Variants in CWC27 observed in about 807,000 individuals in gnomAD.
The protein encoded by CWC27 is CWC27 spliceosome associated cyclophilin, also known as spliceosome-associated protein CWC27 homolog.
A neutral mutation model predicts 63.6 loss-of-function variants in CWC27; 47 were observed. The ratio of observed to expected loss-of-function variants is 0.74; its 90% CI spans 0.58 to 0.94. The LOEUF (loss-of-function observed/expected upper bound fraction) is 0.94. Among genes scored for constraint, CWC27 ranks in the 40% least tolerant of loss-of-function variants. The pLI is 0.00. For missense variants in CWC27, 495 were observed against 554.3 expected (o/e 0.89, Z 1.07); for synonymous variants, 175 against 179.8 (o/e 0.97, Z 0.22).
At chr5:64,843,752 A>G (rs1481551361) in intron 10 of CWC27, among the ~76,000 whole-genome samples, 2 of 152,178 alleles carry the variant, frequency 1.3e-5, no homozygotes, top group African/African-American at 4.8e-5. Flanking sequence ...TCTAAACATT[A>G]ACAGAATTTT....
intron 2 of CWC27, among the ~76,000 whole-genome samples, chr5:64,777,295 T>C (rs1743491850): frequency 6.6e-6 from 1 of 152,034 alleles, no homozygotes; most frequent in Non-Finnish European, 1.5e-5. Flanking sequence ...GTGACAAATA[T>C]AAGCATAAAT....
chr5:64,896,345 AAT>A (rs1417761336), intron 11 of CWC27, among the ~76,000 whole-genome samples: 1 of 152,220 alleles, frequency 6.6e-6, no homozygotes, highest in Non-Finnish European at 1.5e-5. Flanking sequence ...TAAGACCTAT[AAT>A]ACAAAGAGTT....
At chr5:64,828,213 T>C (rs577083324) in intron 10 of CWC27, among the ~76,000 whole-genome samples, 1 of 152,154 alleles carries the variant, frequency 6.6e-6, no homozygotes, top group Non-Finnish European at 1.5e-5. Flanking sequence ...ATTTTTAAAG[T>C]AGCTAGGATG....
chr5:64,854,430 C>G (rs1229528904), intron 10 of CWC27, among the ~76,000 whole-genome samples: 1 of 152,228 alleles, frequency 6.6e-6, no homozygotes, highest in Admixed American at 6.5e-5. Context: ...GTTCCAATTT[C>G]TCTACATCCT....
intron 10 of CWC27, among the ~76,000 whole-genome samples, chr5:64,849,511 G>A (rs974959508): frequency 2.0e-5 from 3 of 151,912 alleles, no homozygotes; most frequent in Non-Finnish European, 4.4e-5. Flanking sequence ...TCATGAATGG[G>A]TTAGCACCAT....
chr5:64,928,151 T>C (rs1748157015), intron 11 of CWC27, among the ~76,000 whole-genome samples: 1 of 150,942 alleles, frequency 6.6e-6, no homozygotes, highest in Non-Finnish European at 1.5e-5. Flanking sequence ...GTGAAACTCC[T>C]TCTCAAAAAA....
intron 10 of CWC27, among the ~76,000 whole-genome samples, chr5:64,852,200 G>A (rs1018868242): frequency 6.6e-6 from 1 of 152,060 alleles, no homozygotes; most frequent in Non-Finnish European, 1.5e-5. Flanking sequence ...CTAATGCCTC[G>A]TATTTGGTCA....
At chr5:64,966,234 T>C (rs1054616313) in intron 11 of CWC27, among the ~76,000 whole-genome samples, 2 of 151,996 alleles carry the variant, frequency 1.3e-5, no homozygotes, top group African/African-American at 4.8e-5. Flanking sequence ...TGTAAGAAAT[T>C]CCCTTATATG....
chr5:64,983,850 T>TA (rs376296016), intron 13 of CWC27, among the ~76,000 whole-genome samples: 1 of 152,142 alleles, frequency 6.6e-6, no homozygotes, highest in Non-Finnish European at 1.5e-5. Flanking sequence ...TTGTTGTTGT[T>TA]ACAGAGTTTT....
intron 11 of CWC27, among the ~76,000 whole-genome samples, chr5:64,924,271 A>C (rs1338631340): frequency 6.6e-6 from 1 of 152,210 alleles, no homozygotes; most frequent in East Asian, 1.9e-4. Flanking sequence ...ATGGGTTGCT[A>C]TCATATTTCA....
At chr5:64,771,089 C>T (rs1323270284) in intron 1 of CWC27, among the ~76,000 whole-genome samples, 3 of 152,162 alleles carry the variant, frequency 2.0e-5, no homozygotes, top group African/African-American at 7.2e-5. Flanking sequence ...ATACTATCTT[C>T]TGAACAGAAA....
At chr5:64,830,302 A>G (rs1040149707) in intron 10 of CWC27, among the ~76,000 whole-genome samples, 2 of 152,046 alleles carry the variant, frequency 1.3e-5, no homozygotes, top group African/African-American at 4.8e-5. Context: ...TAGTTTGACA[A>G]ACCTGACAAA....
chr5:64,808,046 C>CT, intron 10 of CWC27: 3 of 1,328,198 alleles, frequency 2.3e-6, no homozygotes, highest in Non-Finnish European at 2.9e-6. Context: ...ATTTTTGTCT[C>CT]TTTTCTCTTG....
At chr5:64,879,042 T>G (rs1746873248) in intron 10 of CWC27, among the ~76,000 whole-genome samples, 1 of 151,824 alleles carries the variant, frequency 6.6e-6, no homozygotes, top group Non-Finnish European at 1.5e-5. Context: ...GTTAACCAAG[T>G]GAAGTCCTGA....
In CWC27 at chr5:64,797,368, A is replaced by C. The variant is rs1744312797; in HGVS notation, c.670-2880A>C. On this transcript the variant is annotated intron_variant, in intron 7 of 13. Transcript: ENST00000381070. ...TTCACTCTCTTAAGGATTGTCTCCT[A>C]ATTTCTTCAGTTCATCTCCAATTTG... Among the ~76,000 whole-genome samples, 3 of 152,220 alleles carry C rather than the reference A, an allele frequency of 2.0e-5. No homozygotes were observed. In the South Asian group the frequency reaches 6.2e-4, roughly 32 times the overall value.
At chr5:64,799,902 A>G (rs1182922297) in intron 7 of CWC27, among the ~76,000 whole-genome samples, 1 of 152,034 alleles carries the variant, frequency 6.6e-6, no homozygotes, top group Admixed American at 6.6e-5. Flanking sequence ...ATTTATTTCA[A>G]TACTCTTGTG....
chr5:64,881,742 A>G (rs1339808235), intron 10 of CWC27, among the ~76,000 whole-genome samples: 2 of 152,154 alleles, frequency 1.3e-5, no homozygotes, highest in African/African-American at 4.8e-5. Flanking sequence ...TACTCCCTCT[A>G]CAATAGTATC....
chr5:64,838,014 T>G (rs1383945854), intron 10 of CWC27, among the ~76,000 whole-genome samples: 1 of 152,162 alleles, frequency 6.6e-6, no homozygotes, highest in East Asian at 1.9e-4. Context: ...GTTCAGCTCC[T>G]TAGTGACTTT....
At chr5:65,004,913 C>CAT (rs1749813554) in intron 13 of CWC27, among the ~76,000 whole-genome samples, 1 of 96,362 alleles carries the variant, frequency 1.0e-5, no homozygotes, top group Non-Finnish European at 2.4e-5. Context: ...TATACATACA[C>CAT]ACACACACAC....
Sources: gnomAD v4.1 joint callset for allele counts (sites outside exome capture counted in the v4.1 genomes callset) on GRCh38, gnomAD v4.1.1 for gene constraint, MANE v1.5 for transcripts, NCBI Gene and HGNC (gene_info 2026-07-23, HGNC 2026-07-21) for gene names.